XPNPEP1: variants seen among roughly 807,000 people sequenced by gnomAD.
XPNPEP1 encodes X-prolyl aminopeptidase 1, also known as xaa-Pro aminopeptidase 1.
A neutral mutation model predicts 92.4 loss-of-function variants in XPNPEP1; 39 were observed. The observed-to-expected ratio is 0.42, with a 90% CI of 0.33 to 0.55. The LOEUF is 0.55. Among genes scored for constraint, XPNPEP1 ranks in the 20% least tolerant of loss-of-function variants. The pLI is 0.08. For missense variants in XPNPEP1, 654 were observed against 856.1 expected, an observed-to-expected ratio of 0.76 and a Z score of 2.95; for synonymous variants, 307 against 299.4, an observed-to-expected ratio of 1.03 and a Z score of -0.26.
intron 2 of XPNPEP1, 55 bp downstream of exon 2, chr10:109,914,956 G>A (rs1589635536): frequency 8.3e-7 from 1 of 1,202,506 alleles, no homozygotes; most frequent in Non-Finnish European, 1.2e-6. Context: ...GGGTTGGGGT[G>A]GAGATCTAAA....
intron 2 of XPNPEP1, 136 bp from the exon 3 acceptor site, chr10:109,907,951 A>C: frequency 8.1e-7 from 1 of 1,237,810 alleles, no homozygotes; most frequent in South Asian, 1.5e-5. Context: ...TGATCACTCC[A>C]CCACCAGACC....
chr10:109,895,841 C>T (rs751035906), intron 3 of XPNPEP1, among the ~76,000 whole-genome samples: 5 of 152,246 alleles, frequency 3.3e-5, no homozygotes, highest in Non-Finnish European at 7.3e-5. Flanking sequence ...CCCCTACAAT[C>T]CACTCTGCAC....
At chr10:109,910,071 T>C (rs1047246265) in intron 2 of XPNPEP1, among the ~76,000 whole-genome samples, 1 of 152,240 alleles carries the variant, frequency 6.6e-6, no homozygotes, top group Non-Finnish European at 1.5e-5. Flanking sequence ...CACAGAGTAC[T>C]TTCACTGCCC....
chr10:109,901,606 A>C (rs571712493), intron 3 of XPNPEP1, among the ~76,000 whole-genome samples: 1 of 152,378 alleles, frequency 6.6e-6, no homozygotes, highest in South Asian at 2.1e-4. Flanking sequence ...GCCACCAGCC[A>C]CATGTGTCTA....
intron 1 of XPNPEP1, among the ~76,000 whole-genome samples, chr10:109,917,008 T>C (rs1335805020): frequency 6.6e-6 from 1 of 152,116 alleles, no homozygotes; most frequent in Non-Finnish European, 1.5e-5. Flanking sequence ...ACAGCTAACA[T>C]CATTCTTAAT....
rs1848048261 is a variant in XPNPEP1, at chr10:109,880,789, C to T, written c.1131+53G>A. On this transcript the variant is annotated intron_variant, in intron 11 of 20. Transcript: ENST00000502935. ...AATGCCACAGAGGAGGTGAAGGAGC[C>T]GGGCCTTCTGACCACCTCACATCCC... The T allele has an allele frequency of 2.6e-6, 4 of 1,562,184 alleles. No individual in the cohort carries two copies. The South Asian group carries it at 3.5e-5, about 13-fold the overall frequency.
chr10:109,906,001 T>A (rs1357469928), intron 3 of XPNPEP1, among the ~76,000 whole-genome samples: 1 of 152,220 alleles, frequency 6.6e-6, no homozygotes, highest in Non-Finnish European at 1.5e-5. Context: ...TGTTCCCAGG[T>A]TAATACAGGC....
intron 2 of XPNPEP1, among the ~76,000 whole-genome samples, chr10:109,908,779 T>G (rs1849695178): frequency 6.6e-6 from 1 of 152,258 alleles, no homozygotes; most frequent in Non-Finnish European, 1.5e-5. Flanking sequence ...CTTGTATTTT[T>G]CTGCTTTTTA....
intron 2 of XPNPEP1, among the ~76,000 whole-genome samples, chr10:109,908,650 T>C (rs1849688030): frequency 6.6e-6 from 1 of 152,146 alleles, no homozygotes. Flanking sequence ...ATATAGATTG[T>C]TCTTATTTAT....
chr10:109,888,138 G>A lies in XPNPEP1; in HGVS notation c.563C>T (p.Pro188Leu), dbSNP rs1385688858. 3 of 1,613,822 alleles carry A rather than the reference G, an allele frequency of 1.9e-6. No individual in the cohort carries two copies. In the African/African-American group the frequency reaches 4.0e-5, roughly 22 times the overall value. ...TTTGTCAACGAGGTTCTCCTTGACA[G>A]GAATGAGGTGATGGCCGGCACTTCT... is the stretch of plus-strand genomic sequence containing the variant. Reference protein sequence around the residue: ...VLRSAGHHLIPVKENLVDKIW... With the variant: ...VLRSAGHHLILVKENLVDKIW... Residue 188 changes from proline to leucine, a missense_variant, in exon 7 of 21, where the codon CCT becomes CTT. Coordinates refer to ENST00000502935, the MANE Select transcript of XPNPEP1 (RefSeq NM_020383.4).
chr10:109,869,232 T>G (rs923292295), intron 19 of XPNPEP1, among the ~76,000 whole-genome samples: 2 of 152,200 alleles, frequency 1.3e-5, no homozygotes, highest in Non-Finnish European at 2.9e-5. Context: ...CTTCCAAGAA[T>G]AGTGACTTCC....
chr10:109,874,310 A>G (rs948377435), intron 15 of XPNPEP1, among the ~76,000 whole-genome samples: 1 of 152,168 alleles, frequency 6.6e-6, no homozygotes, highest in African/African-American at 2.4e-5. Flanking sequence ...GGCAAAGAAA[A>G]CAGGAGCCCA....
In XPNPEP1 at chr10:109,864,930, A is replaced by T. The variant is rs891178218; in HGVS notation, c.*254T>A. 3 of 487,506 alleles carry T rather than the reference A, an allele frequency of 6.2e-6. No homozygotes were observed. The highest frequency in any genetic ancestry group is 1.1e-5 in the Non-Finnish European group (3 of 278,456). 30.2% of individuals were successfully genotyped at this position (487,506 alleles called of 1,614,324 possible). A position where few individuals can be genotyped will look rare whatever the true frequency, so the allele number is the denominator to read the frequency against. ...GGCATCTTCCTTTCACCAAGTGTTC[A>T]ACTTTGGAGGGACCCTCCTTCTGGT... is the stretch of plus-strand genomic sequence containing the variant. On this transcript the variant is annotated 3_prime_UTR_variant, in exon 21 of 21. Coordinates refer to ENST00000502935, the MANE Select transcript of XPNPEP1 (RefSeq NM_020383.4).
chr10:109,871,805 C>A lies in XPNPEP1; in HGVS notation c.1509G>T (p.Pro503=), dbSNP rs146223771. The change falls in exon 17 of 21, where the codon CCG becomes CCT. Residue 503 remains proline (P), a synonymous_variant. Coordinates refer to ENST00000502935, the MANE Select transcript of XPNPEP1 (RefSeq NM_020383.4). The part of the protein sequence containing the change: ...GHIAVSAAVF[P]TGTKGHLLDS... Reference sequence around the variant, plus strand: ...TGCACCACCTACCTTTGGTTCCAGTCGGGAAAACGGCTGCACTCACAGCTA... The same window carrying A: ...TGCACCACCTACCTTTGGTTCCAGTAGGGAAAACGGCTGCACTCACAGCTA... 24 of 1,613,960 alleles carry A rather than the reference C, an allele frequency of 1.5e-5. No individual in the cohort carries two copies. In the East Asian group the frequency reaches 1.6e-4, roughly 10 times the overall value.
chr10:109,885,481 TG>T (rs1441497532), intron 8 of XPNPEP1, among the ~76,000 whole-genome samples: 1 of 152,180 alleles, frequency 6.6e-6, no homozygotes, highest in African/African-American at 2.4e-5. Context: ...GTTTTACAGG[TG>T]TTTTTCTCTG....
chr10:109,877,588 C>G (rs979147691), intron 14 of XPNPEP1: 12 of 642,756 alleles, frequency 1.9e-5, no homozygotes, highest in Non-Finnish European at 2.6e-5. Flanking sequence ...CATACTGAGC[C>G]TAAGAAGAGG....
chr10:109,923,262 C>T, intron 1 of XPNPEP1, 140 bp downstream of exon 1: 5 of 1,188,684 alleles, frequency 4.2e-6, no homozygotes, highest in Non-Finnish European at 5.2e-6. Flanking sequence ...TCCGGGGCTC[C>T]GGCGAGCGCG....
chr10:109,888,141 A>T lies in XPNPEP1; in HGVS notation c.560T>A (p.Ile187Asn). Residue 187 changes from isoleucine (I) to asparagine (N), a missense_variant, in exon 7 of 21, where the codon ATT becomes AAT. Physicochemically the swap from Ile to Asn is moderately radical, Grantham distance 149. Coordinates refer to ENST00000502935, the MANE Select transcript of XPNPEP1 (RefSeq NM_020383.4). ...KVLRSAGHHL[I>N]PVKENLVDKI... ...GTCAACGAGGTTCTCCTTGACAGGA[A>T]TGAGGTGATGGCCGGCACTTCTCAG... 6.2e-7 allele frequency: 1 copy of T among 1,613,952 alleles called. No homozygotes were observed. The highest frequency in any genetic ancestry group is 8.5e-7 in the Non-Finnish European group (1 of 1,180,022).
At chr10:109,919,214 T>C (rs1850391468) in intron 1 of XPNPEP1, among the ~76,000 whole-genome samples, 1 of 152,198 alleles carries the variant, frequency 6.6e-6, no homozygotes, top group South Asian at 2.1e-4. Context: ...ACCCACAGAA[T>C]GGGAGAAAAC....
Sources: allele counts gnomAD v4.1 joint callset (sites outside exome capture counted in the v4.1 genomes callset), GRCh38; gene constraint gnomAD v4.1.1; transcripts MANE v1.5; gene names NCBI Gene and HGNC (gene_info 2026-07-23, HGNC 2026-07-21).